The following PDE8B variants were observed in gnomAD, a reference collection of about 807,000 sequenced individuals.
The protein encoded by PDE8B is phosphodiesterase 8B, also known as high affinity cAMP-specific and IBMX-insensitive 3',5'-cyclic phosphodiesterase 8B.
In PDE8B, 26 loss-of-function variants were observed where a neutral mutation model predicts 101.3. That is an observed-to-expected ratio of 0.26 (90% CI 0.19 to 0.36). PDE8B has a LOEUF of 0.36. Ranked by LOEUF, PDE8B falls within the 10% of genes least tolerant of loss-of-function variation. PDE8B has a pLI of 1.00. For synonymous variants in PDE8B, 424 were observed against 429.3 expected, an observed-to-expected ratio of 0.99 and a Z score of 0.15; for missense variants, 810 against 1,163.1, an observed-to-expected ratio of 0.70 and a Z score of 4.42.
intron 12 of PDE8B, among the ~76,000 whole-genome samples, chr5:77,406,587 A>G (rs1793502059): frequency 6.6e-6 from 1 of 152,176 alleles, no homozygotes; most frequent in Non-Finnish European, 1.5e-5. Flanking sequence ...TGGCTGCTGC[A>G]CTAGCAGCGG....
At chr5:77,109,638 A>C in the PDE8B span, among the ~76,000 whole-genome samples, 1 of 152,230 alleles carries the variant, frequency 6.6e-6, no homozygotes, top group South Asian at 2.1e-4. Context: ...ACCCATGCCC[A>C]ATGTTGTCCT....
chr5:77,247,007 G>T (rs1757084111), intron 1 of PDE8B, among the ~76,000 whole-genome samples: 1 of 152,194 alleles, frequency 6.6e-6, no homozygotes, highest in Non-Finnish European at 1.5e-5. Context: ...TTGTTATAAG[G>T]ATTATATTTA....
At chr5:77,317,145 T>C (rs951361654) in intron 2 of PDE8B, among the ~76,000 whole-genome samples, 2 of 152,138 alleles carry the variant, frequency 1.3e-5, no homozygotes, top group African/African-American at 4.8e-5. Context: ...AAGGTCAGTT[T>C]TATTGTCTAT....
intron 13 of PDE8B, 77 bp from the exon 14 acceptor site, chr5:77,408,816 G>T: frequency 1.7e-6 from 2 of 1,161,206 alleles, no homozygotes; most frequent in Non-Finnish European, 2.6e-6. Context: ...GATTTCTTTT[G>T]GATTCTGGGC....
intron 20 of PDE8B, among the ~76,000 whole-genome samples, chr5:77,424,347 A>G (rs1162363816): frequency 6.6e-6 from 1 of 152,220 alleles, no homozygotes; most frequent in East Asian, 1.9e-4. Flanking sequence ...AAAGCAATGT[A>G]CTAATGTTCA....
the PDE8B span, among the ~76,000 whole-genome samples, chr5:77,093,390 AT>A: frequency 6.6e-6 from 1 of 152,052 alleles, no homozygotes; most frequent in South Asian, 2.1e-4. Context: ...ATAGTATAGT[AT>A]TTTTTATACT....
At chr5:77,325,821 T>C in intron 3 of PDE8B, 92 bp downstream of exon 3, 1 of 920,416 alleles carries the variant, frequency 1.1e-6, no homozygotes, top group Non-Finnish European at 1.8e-6. Flanking sequence ...ATTTCAAATA[T>C]TTTTAAAATA....
In PDE8B at chr5:77,422,967, A is replaced by T. The variant is rs79613634; in HGVS notation, c.2418+979A>T. ...TTGAGCTTCTAATGATCCATGGCTC[A>T]AGTAGTAAACATAGTACCCAATAAG... On this transcript the variant is annotated intron_variant, in intron 20 of 21. Transcript: ENST00000264917. Among the ~76,000 whole-genome samples the T allele has an allele frequency of 4.6e-3, 703 of 152,296 alleles. 7 individuals carry two copies. Among genetic ancestry groups the T allele is most frequent in the African/African-American group, 0.016 (681 of 41,562 alleles).
At chr5:77,248,391 A>T (rs1267333513) in intron 1 of PDE8B, among the ~76,000 whole-genome samples, 1 of 152,200 alleles carries the variant, frequency 6.6e-6, no homozygotes, top group Non-Finnish European at 1.5e-5. Context: ...AACTGCACTG[A>T]GAGGGATACC....
the PDE8B span, among the ~76,000 whole-genome samples, chr5:77,179,964 T>C: frequency 6.6e-6 from 1 of 152,162 alleles, no homozygotes; most frequent in Non-Finnish European, 1.5e-5. Flanking sequence ...CTTGAAAATC[T>C]CTTTAAAATT....
At chr5:77,329,461 A>G (rs900413742) in intron 4 of PDE8B, among the ~76,000 whole-genome samples, 4 of 152,112 alleles carry the variant, frequency 2.6e-5, no homozygotes, top group Admixed American at 1.3e-4. Flanking sequence ...ATATTCAAGC[A>G]TGAGAACAAA....
In PDE8B at chr5:77,327,465, A is replaced by T. The variant is rs1776255005; in HGVS notation, c.591-1533A>T. 2.6e-5 allele frequency among the ~76,000 whole-genome samples: 4 copies of T among 152,220 alleles called. No homozygotes were observed. The South Asian group carries it at 8.3e-4, about 32-fold the overall frequency. ...CATTACATGTTTCAGCCTCTTGCCT[A>T]AAACCCACGCCTTAGGATATAGCCC... On this transcript the variant is annotated intron_variant, in intron 3 of 21. Transcript: ENST00000264917.
rs71594634 is a variant in PDE8B at position 77,423,632 on chromosome 5, G to GTTTTTTTTTTTTTTTT, written c.2418+1656_2418+1671dup. On this transcript the variant is annotated intron_variant, in intron 20 of 21. Transcript: ENST00000264917. ...TGATGCTGGACTTTTGTTTTGTTTA[G>GTTTTTTTTTTTTTTTT]TTTTTTTTTTTTTTTTTTTTTTTTT... is the stretch of plus-strand genomic sequence containing the variant. 2.5e-3 allele frequency among the ~76,000 whole-genome samples: 185 copies of GTTTTTTTTTTTTTTTT among 74,006 alleles called. 34 individuals carry two copies. The highest frequency in any genetic ancestry group is 3.5e-3 in the Non-Finnish European group (136 of 38,380). The allele number at this position is 74,006 out of a possible 152,430, so 48.6% of individuals were successfully genotyped here. A position where few individuals can be genotyped will look rare whatever the true frequency, so the allele number is the denominator to read the frequency against.
chr5:77,299,541 C>G (rs187673172), intron 1 of PDE8B, among the ~76,000 whole-genome samples: 1 of 149,696 alleles, frequency 6.7e-6, no homozygotes, highest in South Asian at 2.1e-4. Context: ...TTTGTCCTTG[C>G]GATAGTTTGC....
At chr5:77,323,502 C>T (rs1775464437) in intron 2 of PDE8B, among the ~76,000 whole-genome samples, 1 of 152,104 alleles carries the variant, frequency 6.6e-6, no homozygotes, top group African/African-American at 2.4e-5. Flanking sequence ...GATAAAATAG[C>T]TGTATTTGCC....
intron 1 of PDE8B, among the ~76,000 whole-genome samples, chr5:77,309,605 C>G (rs540843384): frequency 2.8e-4 from 42 of 151,934 alleles, no homozygotes; most frequent in African/African-American, 9.9e-4. Context: ...TCAAATTTAT[C>G]TTAGTATATA....
At chr5:77,405,530 G>T (rs918111152) in intron 12 of PDE8B, among the ~76,000 whole-genome samples, 6 of 152,152 alleles carry the variant, frequency 3.9e-5, no homozygotes, top group African/African-American at 1.4e-4. Flanking sequence ...CAGTCCTAGT[G>T]GTGACAGGTG....
chr5:77,324,269 T>C (rs754913018), intron 2 of PDE8B, among the ~76,000 whole-genome samples: 11 of 152,194 alleles, frequency 7.2e-5, no homozygotes, highest in Non-Finnish European at 1.5e-4. Flanking sequence ...CTTGCATTTC[T>C]CAGAAGACCC....
intron 10 of PDE8B, among the ~76,000 whole-genome samples, chr5:77,363,878 G>A (rs1395865198): frequency 6.6e-6 from 1 of 152,168 alleles, no homozygotes; most frequent in Admixed American, 6.5e-5. Context: ...ATGCTCAGCT[G>A]CCCACCTGGC....
Sources: gnomAD v4.1 joint callset for allele counts (sites outside exome capture counted in the v4.1 genomes callset) on GRCh38, gnomAD v4.1.1 for gene constraint, MANE v1.5 for transcripts, NCBI Gene and HGNC (gene_info 2026-07-23, HGNC 2026-07-21) for gene names.